PSMA1: variants seen among roughly 807,000 people sequenced by gnomAD.
PSMA1 encodes proteasome 20S subunit alpha 1.
A neutral mutation model predicts 38.4 loss-of-function variants in PSMA1; 3 were observed. That is an observed-to-expected ratio of 0.08 (90% CI 0.04 to 0.20). The LOEUF is 0.20. Ranked by LOEUF, PSMA1 falls within the 10% of genes least tolerant of loss-of-function variation. PSMA1 has a pLI of 1.00. For missense variants in PSMA1, 227 were observed against 325.3 expected (o/e 0.70, Z 2.32); for synonymous variants, 101 against 107.1 (o/e 0.94, Z 0.35).
chr11:14,583,003 C>T (rs1852301113), intron 2 of PSMA1, among the ~76,000 whole-genome samples: 1 of 152,178 alleles, frequency 6.6e-6, no homozygotes, highest in African/African-American at 2.4e-5. Flanking sequence ...TTTTGCTACA[C>T]TGATTTTAAC....
intron 1 of PSMA1, among the ~76,000 whole-genome samples, chr11:14,614,874 G>C (rs1368664570): frequency 6.6e-6 from 1 of 152,128 alleles, no homozygotes; most frequent in Non-Finnish European, 1.5e-5. Context: ...TGCCATTGGA[G>C]GGATCTTTTT....
intron 2 of PSMA1, among the ~76,000 whole-genome samples, chr11:14,602,956 G>A (rs1852602232): frequency 6.6e-6 from 1 of 152,174 alleles, no homozygotes; most frequent in Non-Finnish European, 1.5e-5. Context: ...CCAGTTGAAG[G>A]TCAATGTTTC....
intron 2 of PSMA1, among the ~76,000 whole-genome samples, chr11:14,531,557 G>A (rs2134159516): frequency 6.6e-6 from 1 of 152,152 alleles, no homozygotes; most frequent in African/African-American, 2.4e-5. Flanking sequence ...CGACCTCCTG[G>A]GTTCAAGTGA....
intron 1 of PSMA1, among the ~76,000 whole-genome samples, chr11:14,633,763 C>G (rs966605844): frequency 2.0e-5 from 3 of 152,180 alleles, no homozygotes; most frequent in South Asian, 4.1e-4. Context: ...AGTTTGATCT[C>G]AGACTGCTGT....
In PSMA1 at chr11:14,591,039, G is replaced by T. The variant is rs1040415284; in HGVS notation, c.21+19927C>A. 2.0e-5 allele frequency among the ~76,000 whole-genome samples: 3 copies of T among 152,226 alleles called. No individual in the cohort carries two copies. The South Asian group carries it at 6.2e-4, about 31-fold the overall frequency. ...TTCTGGGCTGGGCAAGGCCAGAGCC[G>T]GCTCCCTCAGCTTGCAGTGGAGGGA... is the stretch of plus-strand genomic sequence containing the variant. On this transcript the variant is annotated intron_variant, in intron 2 of 10. Coordinates refer to the PSMA1 transcript ENST00000418988.
rs143675475 is a variant in PSMA1, at chr11:14,530,282, A to G, written c.22-11241T>C. On this transcript the variant is annotated intron_variant, in intron 2 of 10. Transcript: ENST00000418988. ...AAATCTTCTAAACTCCAGTCTCTGA[A>G]TTAGAAGTAGATGGACAGCTAAGAG... 8.8e-4 allele frequency among the ~76,000 whole-genome samples: 134 copies of G among 152,288 alleles called. 1 individual carries two copies. The highest frequency in any genetic ancestry group is 3.4e-3 in the Middle Eastern group (1 of 292).
At chr11:14,600,509 T>C (rs936264600) in intron 2 of PSMA1, among the ~76,000 whole-genome samples, 11 of 152,150 alleles carry the variant, frequency 7.2e-5, no homozygotes, top group Admixed American at 2.6e-4. Flanking sequence ...ACTGCTGAGC[T>C]AGCAGTGAGC....
chr11:14,618,447 T>C (rs1455477627), intron 1 of PSMA1, among the ~76,000 whole-genome samples: 1 of 152,226 alleles, frequency 6.6e-6, no homozygotes, highest in African/African-American at 2.4e-5. Flanking sequence ...AGCCTCTCAG[T>C]AGAGTTATCC....
intron 2 of PSMA1, among the ~76,000 whole-genome samples, chr11:14,597,420 G>A (rs1852511318): frequency 6.6e-6 from 1 of 152,146 alleles, no homozygotes; most frequent in Non-Finnish European, 1.5e-5. Context: ...CTCAATTTCA[G>A]AGCCTGTTAT....
chr11:14,633,051 A>G, intron 1 of PSMA1, among the ~76,000 whole-genome samples: 2 of 151,082 alleles, frequency 1.3e-5, no homozygotes. Flanking sequence ...AATTTTTTTC[A>G]AAGTTTTCAA....
At chr11:14,558,817 A>T (rs963302964) in intron 2 of PSMA1, among the ~76,000 whole-genome samples, 1 of 152,236 alleles carries the variant, frequency 6.6e-6, no homozygotes, top group Non-Finnish European at 1.5e-5. Context: ...TGGCTGGTTG[A>T]TAGAAATCTA....
chr11:14,567,839 G>C lies in PSMA1; in HGVS notation c.21+43127C>G, dbSNP rs559916486. On this transcript the variant is annotated intron_variant, in intron 2 of 10. Coordinates refer to the PSMA1 transcript ENST00000418988. ...TTCCTAATAATAGCGTTGCAGTGCT[G>C]TCTGGTGTTCCTGAGAGTAAGAAGG... 4.1e-4 allele frequency among the ~76,000 whole-genome samples: 62 copies of C among 152,248 alleles called. 1 individual carries two copies. The highest frequency in any genetic ancestry group is 1.6e-4 in the Non-Finnish European group (11 of 68,010).
intron 2 of PSMA1, among the ~76,000 whole-genome samples, chr11:14,602,115 A>G (rs905979628): frequency 2.0e-5 from 3 of 152,210 alleles, no homozygotes; most frequent in Non-Finnish European, 4.4e-5. Flanking sequence ...ACCATCTATA[A>G]TGGCACATCT....
chr11:14,553,463 A>G (rs567955244), intron 2 of PSMA1, among the ~76,000 whole-genome samples: 3 of 152,244 alleles, frequency 2.0e-5, no homozygotes, highest in Non-Finnish European at 4.4e-5. Context: ...CTACCTCTCT[A>G]TGGTCACACC....
intron 1 of PSMA1, among the ~76,000 whole-genome samples, chr11:14,631,095 G>T (rs1052854312): frequency 6.6e-6 from 1 of 151,698 alleles, no homozygotes; most frequent in East Asian, 1.9e-4. Flanking sequence ...TATGAATTTT[G>T]TTGATCCTTT....
intron 2 of PSMA1, among the ~76,000 whole-genome samples, chr11:14,603,479 G>A (rs745589638): frequency 6.6e-6 from 1 of 152,202 alleles, no homozygotes; most frequent in Non-Finnish European, 1.5e-5. Flanking sequence ...AATGAGGAGA[G>A]ATGGAAAAGT....
upstream of PSMA1, among the ~76,000 whole-genome samples, chr11:14,524,561 C>T (rs1006294564): frequency 1.3e-5 from 2 of 152,100 alleles, no homozygotes; most frequent in African/African-American, 2.4e-5. Flanking sequence ...CCTCTAAGAA[C>T]TAATAATGAT....
At chr11:14,507,902 A>G in intron 8 of PSMA1, 136 bp from the exon 9 acceptor site, 1 of 609,706 alleles carries the variant, frequency 1.6e-6, no homozygotes, top group Non-Finnish European at 2.8e-6. Flanking sequence ...ACTTATGTGT[A>G]GGAGAAAAAA....
chr11:14,629,071 T>C (rs1852961713), intron 1 of PSMA1, among the ~76,000 whole-genome samples: 1 of 151,952 alleles, frequency 6.6e-6, no homozygotes, highest in African/African-American at 2.4e-5. Flanking sequence ...ATATTAGCCC[T>C]TTGTCAGATG....
Sources: gnomAD v4.1 joint callset for allele counts (sites outside exome capture counted in the v4.1 genomes callset) on GRCh38, gnomAD v4.1.1 for gene constraint, MANE v1.5 for transcripts, NCBI Gene and HGNC (gene_info 2026-07-23, HGNC 2026-07-21) for gene names.